Variants in SUCLG2 observed in about 807,000 individuals in gnomAD.
SUCLG2 encodes succinate--CoA ligase [GDP-forming] subunit beta, mitochondrial.
Under a neutral mutation model 47.9 loss-of-function variants are expected in SUCLG2, and 42 were observed. The observed-to-expected ratio is 0.88, with a 90% CI of 0.69 to 1.14. SUCLG2 has a LOEUF of 1.14. Ranked by LOEUF, SUCLG2 falls within the 50% of genes most tolerant of loss-of-function variation. SUCLG2 has a pLI of 0.00. For synonymous variants in SUCLG2, 195 were observed against 197.3 expected, an observed-to-expected ratio of 0.99 and a Z score of 0.10; for missense variants, 571 against 525.9, an observed-to-expected ratio of 1.09 and a Z score of -0.84.
At chr3:67,525,787 C>G (rs545474432) in intron 4 of SUCLG2, among the ~76,000 whole-genome samples, 4 of 152,262 alleles carry the variant, frequency 2.6e-5, no homozygotes, top group African/African-American at 7.2e-5. Flanking sequence ...ACGTATTGGA[C>G]TTCATCAAAA....
chr3:67,499,012 C>T (rs577128349), intron 7 of SUCLG2, among the ~76,000 whole-genome samples: 1 of 152,104 alleles, frequency 6.6e-6, no homozygotes, highest in Non-Finnish European at 1.5e-5. Context: ...AGGAATTGTG[C>T]AATATGAACG....
intron 7 of SUCLG2, among the ~76,000 whole-genome samples, chr3:67,498,997 A>C (rs891512672): frequency 6.6e-6 from 1 of 152,216 alleles, no homozygotes; most frequent in African/African-American, 2.4e-5. Context: ...TGCAAGGCCA[A>C]CTGCAGGAAT....
chr3:67,421,248 G>C (rs1006390245), intron 9 of SUCLG2, among the ~76,000 whole-genome samples: 2 of 152,038 alleles, frequency 1.3e-5, no homozygotes, highest in African/African-American at 2.4e-5. Context: ...CCATTTTAAA[G>C]ACCCATTTAA....
downstream of SUCLG2, among the ~76,000 whole-genome samples, chr3:67,371,014 T>C (rs928642271): frequency 4.6e-5 from 7 of 152,318 alleles, no homozygotes; most frequent in Admixed American, 3.9e-4. Context: ...TATTAAAAGG[T>C]AATTGAAAAA....
chr3:67,482,245 T>C (rs1401336758), intron 9 of SUCLG2, among the ~76,000 whole-genome samples: 8 of 152,096 alleles, frequency 5.3e-5, no homozygotes, highest in East Asian at 3.9e-4. Flanking sequence ...GAATTGTTGA[T>C]TGCAGGCTGG....
chr3:67,476,162 G>A (rs1284834255), intron 9 of SUCLG2, among the ~76,000 whole-genome samples: 1 of 151,946 alleles, frequency 6.6e-6, no homozygotes, highest in African/African-American at 2.4e-5. Context: ...TTATACAGCT[G>A]TCCCTAATCC....
chr3:67,372,519 G>C (rs543010407), downstream of SUCLG2, among the ~76,000 whole-genome samples: 4 of 152,254 alleles, frequency 2.6e-5, no homozygotes, highest in South Asian at 4.1e-4. Context: ...AATATTCATA[G>C]CCATGATTTG....
chr3:67,547,381 A>G lies in SUCLG2; in HGVS notation c.227-18195T>C, dbSNP rs560168940. 2.0e-5 allele frequency among the ~76,000 whole-genome samples: 3 copies of G among 152,340 alleles called. No homozygotes were observed. The South Asian group carries it at 6.2e-4, about 32-fold the overall frequency. ...ATGAACTAAGATACTCCCTGAACACATAGTGTTTTACTCTATTTTCTACTT... is the reference window on the plus strand; with the variant it reads ...ATGAACTAAGATACTCCCTGAACACGTAGTGTTTTACTCTATTTTCTACTT... On this transcript the variant is annotated intron_variant, in intron 2 of 10. Coordinates refer to ENST00000307227, the MANE Select transcript of SUCLG2 (RefSeq NM_003848.4).
intron 2 of SUCLG2, among the ~76,000 whole-genome samples, chr3:67,548,889 A>G (rs1387602110): frequency 6.6e-6 from 1 of 152,238 alleles, no homozygotes; most frequent in Non-Finnish European, 1.5e-5. Flanking sequence ...AGGCGTATAA[A>G]AAAGGAATCA....
intron 2 of SUCLG2, among the ~76,000 whole-genome samples, chr3:67,565,296 G>A (rs1430104585): frequency 1.3e-5 from 2 of 152,110 alleles, no homozygotes; most frequent in Non-Finnish European, 2.9e-5. Context: ...TTTATATAGA[G>A]TTAGTAATAA....
intron 2 of SUCLG2, among the ~76,000 whole-genome samples, chr3:67,605,735 T>C (rs947004320): frequency 2.6e-5 from 4 of 152,144 alleles, no homozygotes; most frequent in African/African-American, 7.2e-5. Context: ...TTTATCCAGC[T>C]TGATTTTGTC....
chr3:67,368,700 G>A, intron 10 of SUCLG2, among the ~76,000 whole-genome samples: 1 of 152,052 alleles, frequency 6.6e-6, no homozygotes, highest in East Asian at 1.9e-4. Flanking sequence ...CCACCTCCTG[G>A]GTTCAAGTGA....
intron 10 of SUCLG2, among the ~76,000 whole-genome samples, chr3:67,365,025 T>C (rs1701857226): frequency 1.3e-5 from 2 of 151,786 alleles, no homozygotes; most frequent in South Asian, 4.1e-4. Context: ...AAAATAAAAA[T>C]GGATGAGCTG....
chr3:67,462,478 T>A (rs758166028), intron 9 of SUCLG2, among the ~76,000 whole-genome samples: 6 of 152,116 alleles, frequency 3.9e-5, no homozygotes, highest in South Asian at 2.1e-4. Flanking sequence ...CAATGGACTC[T>A]CCATAAAAGG....
chr3:67,449,542 T>A (rs1704003742), intron 9 of SUCLG2, among the ~76,000 whole-genome samples: 1 of 117,966 alleles, frequency 8.5e-6, no homozygotes, highest in Non-Finnish European at 1.7e-5. Context: ...GACATGTACA[T>A]AATACCTCTG....
At chr3:67,465,963 A>G (rs557311312) in intron 9 of SUCLG2, among the ~76,000 whole-genome samples, 12 of 152,278 alleles carry the variant, frequency 7.9e-5, no homozygotes, top group African/African-American at 2.6e-4. Context: ...AGCAAGAATC[A>G]GGACCCAGCT....
downstream of SUCLG2, among the ~76,000 whole-genome samples, chr3:67,369,740 C>A (rs945001395): frequency 6.6e-6 from 1 of 152,234 alleles, no homozygotes; most frequent in Non-Finnish European, 1.5e-5. Flanking sequence ...AAGACGCCCA[C>A]TGGCTTTCAG....
intron 10 of SUCLG2, among the ~76,000 whole-genome samples, chr3:67,362,987 T>C (rs1465508102): frequency 6.6e-6 from 1 of 152,180 alleles, no homozygotes; most frequent in African/African-American, 2.4e-5. Flanking sequence ...CTTTGCCAGG[T>C]TCCTTTCCCT....
intron 9 of SUCLG2, among the ~76,000 whole-genome samples, chr3:67,471,513 AT>A (rs895225820): frequency 1.3e-5 from 2 of 152,180 alleles, no homozygotes; most frequent in African/African-American, 4.8e-5. Context: ...AGAAAACTTC[AT>A]TCTTCTACAG....
Sources: allele counts gnomAD v4.1 joint callset (sites outside exome capture counted in the v4.1 genomes callset), GRCh38; gene constraint gnomAD v4.1.1; transcripts MANE v1.5; gene names NCBI Gene and HGNC (gene_info 2026-07-23, HGNC 2026-07-21).